Variants in GNAI2 observed in about 807,000 individuals in gnomAD.
GNAI2 encodes the protein G protein subunit alpha i2.
In GNAI2, 4 loss-of-function variants were observed where a neutral mutation model predicts 36.8. The observed-to-expected ratio is 0.11, with a 90% confidence interval of 0.05 to 0.25. The LOEUF is 0.25. Among genes scored for constraint, GNAI2 ranks in the 10% least tolerant of loss-of-function variants. The pLI, the probability that GNAI2 is intolerant of heterozygous loss-of-function variation, is 1.00. For synonymous variants in GNAI2, 194 were observed against 194.1 expected (o/e 1.00, Z 0.01); for missense variants, 230 against 481.3 (o/e 0.48, Z 4.89).
upstream of GNAI2, chr3:50,236,125 T>C: frequency 9.3e-7 from 1 of 1,077,160 alleles, no homozygotes. This position sits in a 1 kb window ranked among gnomAD's most constrained non-coding sequence, Gnocchi z 4.0. Context: ...CCCGGCCCAG[T>C]CACAGGCTTG....
chr3:50,243,126 T>G (rs1700331887), intron 1 of GNAI2, among the ~76,000 whole-genome samples: 1 of 151,944 alleles, frequency 6.6e-6, no homozygotes, highest in South Asian at 2.1e-4. Context: ...GTCTAGGAGG[T>G]GAACACCTGC....
rs142550625 is a variant in GNAI2 at position 50,238,925 on chromosome 3, C to T, written c.118+2472C>T. On this transcript the variant is annotated intron_variant, in intron 1 of 8. Transcript: ENST00000313601. The surrounding 1 kb of genome is among the most constrained non-coding windows in gnomAD (Gnocchi z 5.0). Reference sequence around the variant, plus strand: ...CACGCCTGCTGCCCCGCCCGCACACCGCCTCCCTCCCATCTTGGGTAGCCC... The same window carrying T: ...CACGCCTGCTGCCCCGCCCGCACACTGCCTCCCTCCCATCTTGGGTAGCCC... Among the ~76,000 whole-genome samples, 1,174 of 152,346 alleles carry T rather than the reference C, an allele frequency of 7.7e-3. 8 individuals are homozygous for T. The highest frequency in any genetic ancestry group is 0.012 in the South Asian group (59 of 4,826).
Position 50,252,081 on chromosome 3 carries a change from C to T in GNAI2, c.119-19C>T, listed in dbSNP as rs782665163. 147 of 1,612,930 alleles carry T rather than the reference C, an allele frequency of 9.1e-5. No individual in the cohort carries two copies. The highest frequency in any genetic ancestry group is 1.2e-4 in the Non-Finnish European group (143 of 1,179,214). On this transcript the variant is annotated intron_variant, in intron 1 of 8. Transcript: ENST00000313601. This position sits in a 1 kb window ranked among gnomAD's most constrained non-coding sequence, Gnocchi z 4.1. ...CCCCTCTGGGCCTGCCCCCTGACCA[C>T]CTGTGCCCTCTGTTCCAGGTGCTGG...
chr3:50,227,663 C>CG (rs1700000489), upstream of GNAI2, among the ~76,000 whole-genome samples: 1 of 152,140 alleles, frequency 6.6e-6, no homozygotes. This position sits in a 1 kb window ranked among gnomAD's most constrained non-coding sequence, Gnocchi z 5.9. Context: ...ACGCCTTGGG[C>CG]GGGGCGTGGG....
rs41305991 is a variant in GNAI2 at position 50,251,886 on chromosome 3, G to A, written c.119-214G>A. On this transcript the variant is annotated intron_variant, in intron 1 of 8. Coordinates refer to ENST00000313601, the MANE Select transcript of GNAI2 (RefSeq NM_002070.4). ...AAGGCCTGCAGAGAGTCTGCCATGG[G>A]GCACAGGTGCTCTAGGTTACCTTGA... is the stretch of plus-strand genomic sequence containing the variant. 2,419 of 1,033,676 alleles carry A rather than the reference G, an allele frequency of 2.3e-3. 3 individuals carry two copies. The highest frequency in any genetic ancestry group is 3.1e-3 in the Non-Finnish European group (2,293 of 743,562). The allele number at this position is 1,033,676 out of a possible 1,614,324, so 64.0% of individuals were successfully genotyped here. A position where few individuals can be genotyped will look rare whatever the true frequency, so the allele number is the denominator to read the frequency against.
At position 50,258,983 on chromosome 3, in the gene GNAI2, AG is replaced by A. The variant is rs1452534061; in HGVS notation, c.*641del. The A allele has an allele frequency of 5.3e-6, 2 of 380,012 alleles. No homozygotes were observed. The highest frequency in any genetic ancestry group is 3.2e-5 in the African/African-American group (1 of 31,098). The allele number at this position is 380,012 out of a possible 1,614,324, so 23.5% of individuals were successfully genotyped here. ...GATCCTGACCAGCAAGCCCCCCCCCAGCCCCCCTTCCAAGTGACTCCGTGCC... is the reference window on the plus strand; with the variant it reads ...GATCCTGACCAGCAAGCCCCCCCCCACCCCCCTTCCAAGTGACTCCGTGCC... On this transcript the variant is annotated 3_prime_UTR_variant, in exon 9 of 9. Coordinates refer to ENST00000313601, the MANE Select transcript of GNAI2 (RefSeq NM_002070.4).
upstream of GNAI2, chr3:50,230,143 C>T (rs116716204): frequency 6.6e-6 from 1 of 152,282 alleles, no homozygotes; most frequent in Non-Finnish European, 1.5e-5. Flanking sequence ...GAGTTTTCCT[C>T]CTGGACGAAG....
upstream of GNAI2, chr3:50,230,042 G>C (rs919233606): frequency 2.6e-5 from 4 of 152,302 alleles, no homozygotes; most frequent in African/African-American, 9.7e-5. Flanking sequence ...GGGGTGCTGG[G>C]GCCTGAATTC....
At chr3:50,254,514 C>T (rs1412679428) in intron 4 of GNAI2, among the ~76,000 whole-genome samples, 1 of 152,208 alleles carries the variant, frequency 6.6e-6, no homozygotes, top group African/African-American at 2.4e-5. Flanking sequence ...TCCTCCTACC[C>T]TTCTTACATG....
chr3:50,230,783 T>C (rs1700054623), exon 1 of GNAI2: 1 of 985,016 alleles, frequency 1.0e-6, no homozygotes, highest in Non-Finnish European at 1.2e-6. Flanking sequence ...CAAGCGGTGC[T>C]GGGCCTGGTG....
In GNAI2 at chr3:50,256,181, C is replaced by G. The variant is rs782156206; in HGVS notation, c.465-11C>G. 2 of 1,484,894 alleles carry G rather than the reference C, an allele frequency of 1.3e-6. No homozygotes were observed. The highest frequency in any genetic ancestry group is 2.8e-5 in the African/African-American group (2 of 72,056). 92.0% of individuals were successfully genotyped at this position (1,484,894 alleles called of 1,614,324 possible). A position where few individuals can be genotyped will look rare whatever the true frequency, so the allele number is the denominator to read the frequency against. On this transcript the variant is annotated splice_polypyrimidine_tract_variant and intron_variant, in intron 4 of 8. Coordinates refer to ENST00000313601, the MANE Select transcript of GNAI2 (RefSeq NM_002070.4). ...CTGGCCCCCACTGACCCTCCCACCC[C>G]CCATCCCCAGCTACCTGAACGACCT...
At chr3:50,248,158 C>T (rs1015455501) in intron 1 of GNAI2, among the ~76,000 whole-genome samples, 1 of 152,118 alleles carries the variant, frequency 6.6e-6, no homozygotes, top group Non-Finnish European at 1.5e-5. Flanking sequence ...TTGCTTGAAC[C>T]GGGAGGCAGA....
chr3:50,248,159 G>A (rs959750884), intron 1 of GNAI2, among the ~76,000 whole-genome samples: 5 of 152,128 alleles, frequency 3.3e-5, no homozygotes, highest in Non-Finnish European at 5.9e-5. Context: ...TGCTTGAACC[G>A]GGAGGCAGAG....
intron 1 of GNAI2, among the ~76,000 whole-genome samples, chr3:50,246,245 G>A (rs1429911108): frequency 3.3e-5 from 5 of 152,230 alleles, no homozygotes; most frequent in Admixed American, 2.6e-4. Context: ...CCAGGGACGG[G>A]CTGGTGGGTG....
upstream of GNAI2, among the ~76,000 whole-genome samples, chr3:50,234,569 C>T (rs1376714761): frequency 3.9e-5 from 6 of 152,160 alleles, no homozygotes; most frequent in Non-Finnish European, 7.3e-5. Flanking sequence ...TCAGGCTGGT[C>T]TCGAACTCCT....
chr3:50,244,461 C>G (rs934200055), intron 1 of GNAI2, among the ~76,000 whole-genome samples: 1 of 152,214 alleles, frequency 6.6e-6, no homozygotes, highest in Non-Finnish European at 1.5e-5. Context: ...AAGCCCCAGT[C>G]TTAGACTGAG....
At chr3:50,244,890 C>CATGG (rs1353804347) in intron 1 of GNAI2, among the ~76,000 whole-genome samples, 2 of 152,228 alleles carry the variant, frequency 1.3e-5, no homozygotes, top group African/African-American at 4.8e-5. Flanking sequence ...CGTGCATCCT[C>CATGG]ATGGCCACCC....
upstream of GNAI2, among the ~76,000 whole-genome samples, chr3:50,231,678 G>A (rs1453255414): frequency 1.3e-5 from 2 of 152,212 alleles, no homozygotes; most frequent in Non-Finnish European, 2.9e-5. Flanking sequence ...GGATCTGGCT[G>A]GGGAAGGGGA....
chr3:50,257,678 C>T lies in GNAI2; in HGVS notation c.1056C>T (p.Cys352=), dbSNP rs587597577. 9.5e-6 allele frequency: 15 copies of T among 1,573,036 alleles called. No homozygotes were observed. Among genetic ancestry groups the T allele is most frequent in the African/African-American group, 4.1e-5 (3 of 74,064 alleles). ...DVIIKNNLKD[C]GLF ...TCATCAAGAACAACCTGAAGGACTG[C>T]GGCCTCTTCTGAGGGGCAGCGGGGC... The change falls in exon 8 of 9, where the codon TGC becomes TGT. Residue 352 remains cysteine, a synonymous_variant. Transcript: ENST00000313601.
Sources: allele counts gnomAD v4.1 joint callset (sites outside exome capture counted in the v4.1 genomes callset), GRCh38; gene constraint gnomAD v4.1.1; non-coding constraint Gnocchi (gnomAD v3.1); transcripts MANE v1.5; gene names NCBI Gene and HGNC (gene_info 2026-07-23, HGNC 2026-07-21).